The following FNTB variants were observed in gnomAD, a reference collection of about 807,000 sequenced individuals.
FNTB encodes the protein farnesyltransferase, CAAX box, subunit beta, also known as protein farnesyltransferase subunit beta.
A neutral mutation model predicts 59.4 loss-of-function variants in FNTB; 27 were observed. The ratio of observed to expected loss-of-function variants is 0.45; its 90% confidence interval spans 0.34 to 0.63. The LOEUF (loss-of-function observed/expected upper bound fraction) is 0.63, where lower values mean the gene tolerates loss of function less well. Ranked by LOEUF, FNTB falls within the 20% of genes least tolerant of loss-of-function variation. The probability of loss-of-function intolerance (pLI) is 0.02; values close to 1 mark genes in which losing one functional copy is unlikely to be tolerated. For synonymous variants in FNTB, 230 were observed against 220.7 expected (o/e 1.04, Z -0.37); for missense variants, 449 against 559.6 (o/e 0.80, Z 1.99).
rs1353493496 is a variant in FNTB at position 65,012,336 on chromosome 14, A to G, written c.229A>G (p.Lys77Glu). ...TTCCAGGCTTGTTTTGCAGAGGGAG[A>G]AGCACTTCCATTATCTGAAAAGAGG... ...LVPRLVLQRE[K>E]HFHYLKRGLR... is the part of the protein sequence containing the mutation. Residue 77 changes from lysine (K) to glutamate (E), a missense_variant, in exon 3 of 12, where the codon AAG (lysine) becomes GAG (glutamate). Lys to Glu is a moderately conservative substitution (Grantham distance 56). Transcript: ENST00000246166. This position sits in a 1 kb window ranked among gnomAD's most constrained non-coding sequence, Gnocchi z 5.0. The G allele has an allele frequency of 5.6e-6, 9 of 1,613,860 alleles. No individual in the cohort carries two copies. Among genetic ancestry groups the G allele is most frequent in the Non-Finnish European group, 7.6e-6 (9 of 1,179,996 alleles).
At chr14:64,992,898 G>C (rs537215722) in intron 1 of FNTB, among the ~76,000 whole-genome samples, 2 of 152,122 alleles carry the variant, frequency 1.3e-5, no homozygotes, top group Non-Finnish European at 2.9e-5. Flanking sequence ...GAGTGCAGTG[G>C]CATGATCATG....
At chr14:65,017,514 G>C (rs1294876134) in intron 4 of FNTB, among the ~76,000 whole-genome samples, 1 of 152,166 alleles carries the variant, frequency 6.6e-6, no homozygotes, top group Admixed American at 6.5e-5. Context: ...TGTGTACTTG[G>C]TGTTTTATAG....
intron 4 of FNTB, among the ~76,000 whole-genome samples, chr14:65,024,482 T>C (rs1413051556): frequency 1.3e-5 from 2 of 152,198 alleles, no homozygotes; most frequent in Non-Finnish European, 2.9e-5. Context: ...CTGTATTCTT[T>C]TATTAGCTTT....
rs1473063753 is a variant in FNTB at position 65,028,875 on chromosome 14, G to T, written c.605+1094G>T. ...TTCTGTTGCTATTCCCCCAAAATAT[G>T]CACAGTCTTGAAACGCAGCTTTTAA... On this transcript the variant is annotated intron_variant, in intron 6 of 11. Coordinates refer to ENST00000246166, the MANE Select transcript of FNTB (RefSeq NM_002028.4). The surrounding 1 kb of genome is among the most constrained non-coding windows in gnomAD (Gnocchi z 4.4). Among the ~76,000 whole-genome samples, 1 of 152,078 alleles carries T rather than the reference G, an allele frequency of 6.6e-6. No homozygotes were observed. Among genetic ancestry groups the T allele is most frequent in the Non-Finnish European group, 1.5e-5 (1 of 68,014 alleles).
In FNTB at chr14:64,990,234, C is replaced by T. The variant is rs990428916; in HGVS notation, c.144+3137C>T. Among the ~76,000 whole-genome samples the T allele has an allele frequency of 6.6e-6, 1 of 152,194 alleles. No individual in the cohort carries two copies. Among genetic ancestry groups the T allele is most frequent in the Non-Finnish European group, 1.5e-5 (1 of 68,020 alleles). ...GGAGAGCCACTTGGCTGTATACCTG[C>T]CATTTACTGCCCCAGATTCACTTGG... On this transcript the variant is annotated intron_variant, in intron 1 of 11. Transcript: ENST00000246166. The surrounding 1 kb of genome is among the most constrained non-coding windows in gnomAD (Gnocchi z 5.2).
rs1004520038 is a variant in FNTB, at chr14:65,001,034, G to A, written c.145-3215G>A. On this transcript the variant is annotated intron_variant, in intron 1 of 11. Coordinates refer to ENST00000246166, the MANE Select transcript of FNTB (RefSeq NM_002028.4). The surrounding 1 kb of genome is among the most constrained non-coding windows in gnomAD (Gnocchi z 5.5). ...GAAATGCCTTTAAACAACTGCCCCCGGACATGGGTGTTGGGAGCATAAATG... is the reference window on the plus strand; with the variant it reads ...GAAATGCCTTTAAACAACTGCCCCCAGACATGGGTGTTGGGAGCATAAATG... 5.9e-5 allele frequency among the ~76,000 whole-genome samples: 9 copies of A among 152,056 alleles called. No individual in the cohort carries two copies. Among genetic ancestry groups the A allele is most frequent in the Non-Finnish European group, 1.2e-4 (8 of 68,002 alleles).
At chr14:65,004,220 C>T in intron 1 of FNTB, 29 bp from the exon 2 acceptor site, 1 of 1,606,606 alleles carries the variant, frequency 6.2e-7, no homozygotes, top group Non-Finnish European at 8.5e-7. Flanking sequence ...TATTTGTTTT[C>T]TCTCTCCTAT....
At chr14:65,037,178 A>G (rs927020624) in intron 7 of FNTB, among the ~76,000 whole-genome samples, 1 of 149,076 alleles carries the variant, frequency 6.7e-6, no homozygotes, top group Non-Finnish European at 1.5e-5. Context: ...ATCTCGGCTC[A>G]CTGCAACCTC....
At chr14:65,060,870 CA>C (rs58241887) in intron 11 of FNTB, among the ~76,000 whole-genome samples, 1,913 of 79,478 alleles carry the variant, frequency 0.024, 1 homozygote, top group Middle Eastern at 0.039. Flanking sequence ...AAGACTCTCT[CA>C]AAAAAAAAAA....
At chr14:65,021,898 G>A (rs566958083) in intron 4 of FNTB, 39 of 455,470 alleles carry the variant, frequency 8.6e-5, no homozygotes, top group Non-Finnish European at 1.3e-4. Context: ...CGCCCACGTC[G>A]GCCTCCCAAA....
chr14:65,032,377 AG>A lies in FNTB; in HGVS notation c.606-230del. On this transcript the variant is annotated intron_variant, in intron 6 of 11. Transcript: ENST00000246166. This position sits in a 1 kb window ranked among gnomAD's most constrained non-coding sequence, Gnocchi z 5.0. ...GATGTAGATTGGACCATGTGGAGGT[AG>A]GGAGAATAGAATGTCATGTTCTTTC... The A allele has an allele frequency of 2.4e-6, 1 of 425,292 alleles. No homozygotes were observed. 26.3% of individuals were successfully genotyped at this position (425,292 alleles called of 1,614,324 possible).
chr14:65,004,144 C>A, intron 1 of FNTB, 105 bp from the exon 2 acceptor site: 1 of 1,325,438 alleles, frequency 7.5e-7, no homozygotes. Context: ...CCAGACCATA[C>A]CAACCAACCC....
Position 65,009,123 on chromosome 14 carries a change from G to C in FNTB, c.210-3194G>C, listed in dbSNP as rs1595008965. Among the ~76,000 whole-genome samples, 1 of 152,202 alleles carries C rather than the reference G, an allele frequency of 6.6e-6. No individual in the cohort carries two copies. Among genetic ancestry groups the C allele is most frequent in the Non-Finnish European group, 1.5e-5 (1 of 68,030 alleles). On this transcript the variant is annotated intron_variant, in intron 2 of 11. Coordinates refer to ENST00000246166, the MANE Select transcript of FNTB (RefSeq NM_002028.4). The surrounding 1 kb of genome is among the most constrained non-coding windows in gnomAD (Gnocchi z 4.2). The stretch of plus-strand genomic sequence containing the variant: ...CTTTCTTAACTTCCTACACAGAAAA[G>C]ATTTTTGGATAGAGGTGAGTTGAGA...
In FNTB at chr14:65,027,535, A is replaced by G. The variant is rs952195302; in HGVS notation, c.457A>G (p.Thr153Ala). 18 of 1,614,096 alleles carry G rather than the reference A, an allele frequency of 1.1e-5. No homozygotes were observed. The highest frequency in any genetic ancestry group is 1.4e-5 in the Non-Finnish European group (17 of 1,180,046). The change falls in exon 5 of 12, where the codon ACA (threonine) becomes GCA (alanine). Residue 153 changes from threonine (T) to alanine (A), a missense_variant. Thr to Ala is a moderately conservative substitution (Grantham distance 58). Transcript: ENST00000246166. This position sits in a 1 kb window ranked among gnomAD's most constrained non-coding sequence, Gnocchi z 5.7. ...GPGQYPHLAP[T>A]YAAVNALCII... Reference sequence around the variant, plus strand: ...CGGTCAGTATCCACACCTTGCACCCACATATGCAGCAGTCAATGCATTGTG... The same window carrying G: ...CGGTCAGTATCCACACCTTGCACCCGCATATGCAGCAGTCAATGCATTGTG...
chr14:65,001,876 T>C lies in FNTB; in HGVS notation c.145-2373T>C, dbSNP rs1362737369. On this transcript the variant is annotated intron_variant, in intron 1 of 11. Transcript: ENST00000246166. This position sits in a 1 kb window ranked among gnomAD's most constrained non-coding sequence, Gnocchi z 5.5. ...CCCAAGTCGGATTCTCATGGTGACGTCAGTCTGTTTTTTGAAGTATTATAA... is the reference window on the plus strand; with the variant it reads ...CCCAAGTCGGATTCTCATGGTGACGCCAGTCTGTTTTTTGAAGTATTATAA... Among the ~76,000 whole-genome samples the C allele has an allele frequency of 6.6e-6, 1 of 152,234 alleles. No homozygotes were observed. The highest frequency in any genetic ancestry group is 2.4e-5 in the African/African-American group (1 of 41,464).
At chr14:64,996,684 TAAGAAA>T (rs1888407802) in intron 1 of FNTB, among the ~76,000 whole-genome samples, 1 of 151,250 alleles carries the variant, frequency 6.6e-6, no homozygotes, top group Non-Finnish European at 1.5e-5. Context: ...TTTATTTTTC[TAAGAAA>T]TTTATGGTTA....
chr14:65,045,406 C>G (rs2062453781), intron 9 of FNTB, among the ~76,000 whole-genome samples: 2 of 144,600 alleles, frequency 1.4e-5, no homozygotes, highest in South Asian at 2.4e-4. Context: ...CCCCCCACCC[C>G]CCGTCTTCCC....
chr14:65,049,507 G>A (rs2062560334), intron 9 of FNTB, among the ~76,000 whole-genome samples: 1 of 152,168 alleles, frequency 6.6e-6, no homozygotes, highest in South Asian at 2.1e-4. Context: ...ATCTTGTTGT[G>A]ATTATGTGTG....
rs928213460 is a variant in FNTB at position 65,001,222 on chromosome 14, A to C, written c.145-3027A>C. The stretch of plus-strand genomic sequence containing the variant: ...AAAATACAGGCGTGCACTATATAAC[A>C]ATCAACAGACTACATATACCACAGT... On this transcript the variant is annotated intron_variant, in intron 1 of 11. Transcript: ENST00000246166. This position sits in a 1 kb window ranked among gnomAD's most constrained non-coding sequence, Gnocchi z 5.5. Among the ~76,000 whole-genome samples the C allele has an allele frequency of 1.3e-5, 2 of 152,256 alleles. No individual in the cohort carries two copies. Among genetic ancestry groups the C allele is most frequent in the Admixed American group, 6.5e-5 (1 of 15,288 alleles).
Sources: gnomAD v4.1 joint callset for allele counts (sites outside exome capture counted in the v4.1 genomes callset) on GRCh38, gnomAD v4.1.1 for gene constraint, Gnocchi (gnomAD v3.1) non-coding constraint, MANE v1.5 for transcripts, NCBI Gene and HGNC (gene_info 2026-07-23, HGNC 2026-07-21) for gene names.